Variants in ARPC1A observed in about 807,000 individuals in gnomAD.
ARPC1A encodes actin related protein 2/3 complex subunit 1A.
A neutral mutation model predicts 46.9 loss-of-function variants in ARPC1A; 8 were observed. The observed-to-expected ratio is 0.17, with a 90% CI of 0.10 to 0.31. The LOEUF (loss-of-function observed/expected upper bound fraction) is 0.31, where lower values mean the gene tolerates loss of function less well. ARPC1A is among the 10% of genes least tolerant of loss of function. The pLI is 1.00. For synonymous variants in ARPC1A, 152 were observed against 169.0 expected, an observed-to-expected ratio of 0.90 and a Z score of 0.78; for missense variants, 286 against 483.6, an observed-to-expected ratio of 0.59 and a Z score of 3.83.
chr7:99,349,818 C>T (rs1027414776), intron 5 of ARPC1A, among the ~76,000 whole-genome samples: 5 of 151,878 alleles, frequency 3.3e-5, no homozygotes, highest in Non-Finnish European at 5.9e-5. Flanking sequence ...CCAGCCTGGG[C>T]GACAGAGCGA....
At chr7:99,351,734 G>A (rs1218195413) in intron 5 of ARPC1A, among the ~76,000 whole-genome samples, 2 of 152,200 alleles carry the variant, frequency 1.3e-5, no homozygotes, top group African/African-American at 2.4e-5. Flanking sequence ...CATTTGGGGT[G>A]GTAGGGGGGA....
intron 3 of ARPC1A, among the ~76,000 whole-genome samples, chr7:99,342,300 C>T (rs1176887607): frequency 6.6e-6 from 1 of 152,130 alleles, no homozygotes; most frequent in African/African-American, 2.4e-5. Flanking sequence ...CACCTGTAAT[C>T]CCAGTGCTTT....
chr7:99,355,743 C>CA (rs987931948), intron 6 of ARPC1A, among the ~76,000 whole-genome samples: 62 of 140,632 alleles, frequency 4.4e-4, no homozygotes, highest in Middle Eastern at 3.7e-3. Context: ...GACTCCATCT[C>CA]AAAAAAAAAA....
chr7:99,349,533 C>T (rs1475250428), intron 5 of ARPC1A, among the ~76,000 whole-genome samples: 4 of 151,232 alleles, frequency 2.6e-5, no homozygotes, highest in Non-Finnish European at 4.4e-5. Flanking sequence ...GGTGAAACCC[C>T]GTGTCTACTA....
chr7:99,331,654 C>T (rs1284237992), intron 1 of ARPC1A, among the ~76,000 whole-genome samples: 1 of 152,164 alleles, frequency 6.6e-6, no homozygotes, highest in Non-Finnish European at 1.5e-5. Flanking sequence ...CACAGTGGCT[C>T]ACACCTGTAA....
chr7:99,357,632 G>A (rs185786101), intron 6 of ARPC1A, among the ~76,000 whole-genome samples: 28 of 152,150 alleles, frequency 1.8e-4, no homozygotes, highest in African/African-American at 6.5e-4. Flanking sequence ...CCCAGCCACA[G>A]TCAGCTTTTG....
intron 1 of ARPC1A, among the ~76,000 whole-genome samples, chr7:99,327,467 C>T (rs1316696174): frequency 2.0e-5 from 3 of 147,488 alleles, no homozygotes; most frequent in East Asian, 2.0e-4. Flanking sequence ...TGAGCCACTG[C>T]GCCTGGCTAA....
chr7:99,361,666 C>A (rs919591408), intron 8 of ARPC1A, among the ~76,000 whole-genome samples: 1 of 152,140 alleles, frequency 6.6e-6, no homozygotes, highest in Non-Finnish European at 1.5e-5. Flanking sequence ...CTCTCATTGC[C>A]TCTCTGACAC....
intron 2 of ARPC1A, chr7:99,335,615 G>C (rs1319286174): frequency 3.4e-6 from 1 of 291,396 alleles, no homozygotes; most frequent in Non-Finnish European, 6.8e-6. Flanking sequence ...CGTCAGCTGA[G>C]ATTTTGACAG....
chr7:99,340,688 C>G (rs138948012), intron 3 of ARPC1A, among the ~76,000 whole-genome samples: 2 of 152,308 alleles, frequency 1.3e-5, no homozygotes, highest in East Asian at 3.9e-4. Context: ...AATTTTACCT[C>G]TAATCACCTA....
Position 99,365,993 on chromosome 7 carries a change from C to A in ARPC1A, c.*64C>A. 2.6e-6 allele frequency: 4 copies of A among 1,521,884 alleles called. No homozygotes were observed. The highest frequency in any genetic ancestry group is 3.6e-6 in the Non-Finnish European group (4 of 1,121,410). The allele number at this position is 1,521,884 out of a possible 1,614,324, so 94.3% of individuals were successfully genotyped here. Reference sequence around the variant, plus strand: ...GGCCGACCGCAGCTGTGCCGTGGCACGATGGCGAGGAAGCCAGCCCCAAGG... The same window carrying A: ...GGCCGACCGCAGCTGTGCCGTGGCAAGATGGCGAGGAAGCCAGCCCCAAGG... On this transcript the variant is annotated 3_prime_UTR_variant, in exon 10 of 10. Transcript: ENST00000262942.
At chr7:99,341,004 T>C (rs1428629644) in intron 3 of ARPC1A, among the ~76,000 whole-genome samples, 1 of 152,226 alleles carries the variant, frequency 6.6e-6, no homozygotes, top group Admixed American at 6.5e-5. Context: ...ATAAGAATAC[T>C]CATATTTTAA....
At chr7:99,350,439 T>G (rs904837539) in intron 5 of ARPC1A, among the ~76,000 whole-genome samples, 1 of 152,210 alleles carries the variant, frequency 6.6e-6, no homozygotes, top group East Asian at 1.9e-4. Flanking sequence ...TATTTTGTCA[T>G]TAGCTTGAAG....
chr7:99,346,401 A>G (rs747407869), intron 4 of ARPC1A, among the ~76,000 whole-genome samples: 84 of 152,304 alleles, frequency 5.5e-4, no homozygotes, highest in Non-Finnish European at 7.9e-4. Context: ...ACTCCTTGCA[A>G]TCTTACAAAT....
intron 2 of ARPC1A, among the ~76,000 whole-genome samples, chr7:99,333,991 C>CTG (rs1239475536): frequency 1.0e-4 from 15 of 146,744 alleles, no homozygotes; most frequent in South Asian, 2.1e-4. Context: ...AATAGAAAAA[C>CTG]TGTGTGTGTG....
At chr7:99,341,502 A>G (rs1340474896) in intron 3 of ARPC1A, among the ~76,000 whole-genome samples, 1 of 151,788 alleles carries the variant, frequency 6.6e-6, no homozygotes, top group Non-Finnish European at 1.5e-5. Context: ...CCAGCTACTC[A>G]GGAGGCTGAG....
chr7:99,347,371 G>A (rs916745783), intron 4 of ARPC1A, among the ~76,000 whole-genome samples: 4 of 152,168 alleles, frequency 2.6e-5, no homozygotes, highest in South Asian at 4.1e-4. Context: ...GCACCTGGCT[G>A]TCTTTTTCAG....
chr7:99,349,495 G>A (rs1195377891), intron 5 of ARPC1A, among the ~76,000 whole-genome samples: 7 of 151,838 alleles, frequency 4.6e-5, no homozygotes, highest in African/African-American at 1.7e-4. Flanking sequence ...ACCTGAGGTT[G>A]GAAGTTCAAG....
At chr7:99,332,590 T>G (rs1224670798) in intron 1 of ARPC1A, among the ~76,000 whole-genome samples, 2 of 152,010 alleles carry the variant, frequency 1.3e-5, no homozygotes, top group Non-Finnish European at 2.9e-5. Context: ...GGTTAAGTTT[T>G]GACAATGAGA....
Sources: gnomAD v4.1 joint callset for allele counts (sites outside exome capture counted in the v4.1 genomes callset) on GRCh38, gnomAD v4.1.1 for gene constraint, MANE v1.5 for transcripts, NCBI Gene and HGNC (gene_info 2026-07-23, HGNC 2026-07-21) for gene names.